Variants in KLHL32 observed in about 807,000 individuals in gnomAD.
KLHL32 encodes the protein kelch like family member 32, also known as kelch-like protein 32.
KLHL32 carries 35 observed loss-of-function variants against 64.8 expected under a neutral mutation model. That is an observed-to-expected ratio of 0.54 (90% CI 0.41 to 0.72). The LOEUF is 0.72. Ranked by LOEUF, KLHL32 falls within the 30% of genes least tolerant of loss-of-function variation. KLHL32 has a pLI of 0.00. For synonymous variants in KLHL32, 259 were observed against 281.0 expected, an observed-to-expected ratio of 0.92 and a Z score of 0.78; for missense variants, 589 against 768.5, an observed-to-expected ratio of 0.77 and a Z score of 2.76.
At chr6:97,071,158 T>C (rs1249812073) in intron 5 of KLHL32, among the ~76,000 whole-genome samples, 1 of 152,154 alleles carries the variant, frequency 6.6e-6, no homozygotes, top group Non-Finnish European at 1.5e-5. Flanking sequence ...CTGTACCCAG[T>C]GTCTTCACTC....
chr6:97,108,495 C>T (rs1238837603), intron 6 of KLHL32, among the ~76,000 whole-genome samples: 2 of 152,168 alleles, frequency 1.3e-5, no homozygotes, highest in Non-Finnish European at 2.9e-5. Flanking sequence ...AGGATTCCCT[C>T]CACCAGCATG....
intron 3 of KLHL32, among the ~76,000 whole-genome samples, chr6:97,034,979 T>C (rs1455471003): frequency 6.6e-6 from 1 of 152,008 alleles, no homozygotes; most frequent in Non-Finnish European, 1.5e-5. Context: ...TTTGGATGCT[T>C]TTTATTTCTT....
intron 6 of KLHL32, among the ~76,000 whole-genome samples, chr6:97,090,178 T>G (rs959035770): frequency 3.3e-5 from 5 of 152,194 alleles, no homozygotes; most frequent in Non-Finnish European, 5.9e-5. Flanking sequence ...AATGTAGAGT[T>G]TCCATATTAA....
chr6:97,067,938 C>T (rs1283713542), intron 5 of KLHL32, among the ~76,000 whole-genome samples: 1 of 152,080 alleles, frequency 6.6e-6, no homozygotes, highest in Admixed American at 6.5e-5. Context: ...TAGATATCCT[C>T]AGTGGCGGGC....
At chr6:96,943,867 A>G (rs541805156) in intron 1 of KLHL32, among the ~76,000 whole-genome samples, 7 of 152,340 alleles carry the variant, frequency 4.6e-5, no homozygotes, top group African/African-American at 1.7e-4. Context: ...TACTGAAAAG[A>G]AGGTTGTTGG....
chr6:96,992,594 G>T (rs1378919386), intron 3 of KLHL32, among the ~76,000 whole-genome samples: 1 of 152,224 alleles, frequency 6.6e-6, no homozygotes, highest in Non-Finnish European at 1.5e-5. Context: ...AGAGGGGAGA[G>T]CGTATCAATA....
intron 3 of KLHL32, among the ~76,000 whole-genome samples, chr6:97,023,719 C>T (rs1011770923): frequency 6.6e-6 from 1 of 152,192 alleles, no homozygotes; most frequent in African/African-American, 2.4e-5. Flanking sequence ...TCCAGCTGGC[C>T]TAGTTCTACA....
At chr6:97,091,524 A>T (rs1794228215) in intron 6 of KLHL32, among the ~76,000 whole-genome samples, 1 of 152,152 alleles carries the variant, frequency 6.6e-6, no homozygotes, top group Non-Finnish European at 1.5e-5. Flanking sequence ...ACAGTGTCTG[A>T]TGTGGGGCTT....
At chr6:97,106,035 A>G (rs989286192) in intron 6 of KLHL32, among the ~76,000 whole-genome samples, 3 of 152,188 alleles carry the variant, frequency 2.0e-5, no homozygotes, top group Non-Finnish European at 4.4e-5. Flanking sequence ...GTCATAGTGT[A>G]TAATATATAT....
intron 3 of KLHL32, among the ~76,000 whole-genome samples, chr6:97,016,566 C>T (rs538549884): frequency 6.5e-4 from 99 of 152,238 alleles, no homozygotes; most frequent in African/African-American, 2.3e-3. Context: ...ATTTTACAGG[C>T]TTATAGGTGG....
chr6:96,925,308 A>G (rs1034686724), intron 1 of KLHL32, among the ~76,000 whole-genome samples: 5 of 152,172 alleles, frequency 3.3e-5, no homozygotes, highest in Non-Finnish European at 5.9e-5. Context: ...TGGGACATCT[A>G]TTGAAAGAAC....
chr6:96,967,144 C>A, intron 2 of KLHL32, 61 bp downstream of exon 2: 2 of 1,473,480 alleles, frequency 1.4e-6, no homozygotes, highest in Non-Finnish European at 9.5e-7. Flanking sequence ...GTGCATTGCA[C>A]GTTCTAGGAT....
intron 3 of KLHL32, among the ~76,000 whole-genome samples, chr6:97,005,491 CT>C (rs1779556791): frequency 6.6e-6 from 1 of 151,984 alleles, no homozygotes. Flanking sequence ...CGATTCAGCT[CT>C]GATTTTGGTT....
chr6:96,960,758 A>T (rs1270223376), intron 1 of KLHL32, among the ~76,000 whole-genome samples: 1 of 152,218 alleles, frequency 6.6e-6, no homozygotes, highest in Admixed American at 6.5e-5. Flanking sequence ...TCAGTCAATC[A>T]TGTAAGATGT....
intron 2 of KLHL32, among the ~76,000 whole-genome samples, chr6:96,973,719 T>G (rs76477192): frequency 0.016 from 2,386 of 146,806 alleles, 81 homozygotes; most frequent in African/African-American, 0.059. Flanking sequence ...TTTGAGATCT[T>G]TACAGATTGC....
At chr6:97,110,472 C>T (rs1398345982) in intron 6 of KLHL32, among the ~76,000 whole-genome samples, 1 of 152,176 alleles carries the variant, frequency 6.6e-6, no homozygotes, top group Non-Finnish European at 1.5e-5. Flanking sequence ...TCTTGCCTTT[C>T]TGGAGCCCTT....
chr6:97,029,265 A>G (rs897090073), intron 3 of KLHL32, among the ~76,000 whole-genome samples: 1 of 152,216 alleles, frequency 6.6e-6, no homozygotes, highest in Non-Finnish European at 1.5e-5. Flanking sequence ...TTATCACTGT[A>G]TAGTTAATTT....
At chr6:97,137,395 A>G (rs1800141621) in intron 10 of KLHL32, among the ~76,000 whole-genome samples, 1 of 152,202 alleles carries the variant, frequency 6.6e-6, no homozygotes, top group Non-Finnish European at 1.5e-5. Context: ...ATTGTTCAAT[A>G]AAGAGATTGG....
the KLHL32 span, among the ~76,000 whole-genome samples, chr6:96,919,567 T>G: frequency 1.3e-5 from 2 of 152,216 alleles, no homozygotes; most frequent in Non-Finnish European, 2.9e-5. Context: ...AATTTTAGGA[T>G]TCCCACAATA....
Sources: allele counts gnomAD v4.1 joint callset (sites outside exome capture counted in the v4.1 genomes callset), GRCh38; gene constraint gnomAD v4.1.1; transcripts MANE v1.5; gene names NCBI Gene and HGNC (gene_info 2026-07-23, HGNC 2026-07-21).